The following DLG2 variants were observed in gnomAD, a reference collection of about 807,000 sequenced individuals.
The protein encoded by DLG2 is discs large MAGUK scaffold protein 2.
In DLG2, 45 loss-of-function variants were observed where a neutral mutation model predicts 132.5. The observed-to-expected ratio is 0.34, with a 90% CI of 0.27 to 0.44. The LOEUF is 0.44. DLG2 is among the 20% of genes least tolerant of loss of function. DLG2 has a pLI of 1.00. For missense variants in DLG2, 1,045 were observed against 1,196.9 expected, an observed-to-expected ratio of 0.87 and a Z score of 1.87; for synonymous variants, 424 against 419.6, an observed-to-expected ratio of 1.01 and a Z score of -0.13.
At chr11:84,782,563 G>A (rs375769116) in intron 6 of DLG2, among the ~76,000 whole-genome samples, 52 of 152,152 alleles carry the variant, frequency 3.4e-4, no homozygotes, top group East Asian at 1.9e-3. Context: ...TATGAATCCC[G>A]GGTTAAGAAA....
chr11:84,023,964 T>C (rs925528029), intron 11 of DLG2, among the ~76,000 whole-genome samples: 1 of 152,160 alleles, frequency 6.6e-6, no homozygotes, highest in African/African-American at 2.4e-5. Flanking sequence ...AAGAATATCG[T>C]ATATAATACA....
intron 6 of DLG2, among the ~76,000 whole-genome samples, chr11:84,900,940 T>G (rs1321494335): frequency 6.6e-6 from 1 of 152,096 alleles, no homozygotes; most frequent in East Asian, 1.9e-4. Context: ...TAAGAATTTA[T>G]TATAATTCTC....
intron 6 of DLG2, among the ~76,000 whole-genome samples, chr11:84,724,864 T>C (rs1279738704): frequency 6.6e-6 from 1 of 152,184 alleles, no homozygotes; most frequent in Non-Finnish European, 1.5e-5. Flanking sequence ...GTACGGTCTA[T>C]CAGTAGCTTC....
chr11:84,661,915 T>A (rs2099694802), intron 6 of DLG2, among the ~76,000 whole-genome samples: 1 of 152,180 alleles, frequency 6.6e-6, no homozygotes, highest in South Asian at 2.1e-4. Flanking sequence ...CAAGACATAC[T>A]GAATTAACGG....
intron 6 of DLG2, among the ~76,000 whole-genome samples, chr11:85,004,960 C>A (rs2058521435): frequency 6.6e-6 from 1 of 152,154 alleles, no homozygotes; most frequent in Non-Finnish European, 1.5e-5. Context: ...CTAGTTTTCC[C>A]AACACCATTT....
At chr11:84,971,893 T>A (rs947825952) in intron 6 of DLG2, among the ~76,000 whole-genome samples, 1 of 152,164 alleles carries the variant, frequency 6.6e-6, no homozygotes, top group Non-Finnish European at 1.5e-5. Context: ...AGGGAATGTC[T>A]ACTAGAGAGA....
chr11:83,517,762 C>A (rs1328910502), intron 21 of DLG2, among the ~76,000 whole-genome samples: 1 of 152,236 alleles, frequency 6.6e-6, no homozygotes, highest in Non-Finnish European at 1.5e-5. Context: ...AGCTGCAGGT[C>A]TGTTGGAGTT....
At chr11:85,100,842 GAA>G (rs1245056983) in intron 6 of DLG2, among the ~76,000 whole-genome samples, 1 of 152,116 alleles carries the variant, frequency 6.6e-6, no homozygotes, top group Non-Finnish European at 1.5e-5. Flanking sequence ...AACTGTCAAA[GAA>G]AGAGAGGCTC....
intron 6 of DLG2, among the ~76,000 whole-genome samples, chr11:84,732,795 C>A (rs1301309456): frequency 1.3e-5 from 2 of 149,248 alleles, no homozygotes; most frequent in Admixed American, 6.7e-5. Flanking sequence ...CCTCCCCCCA[C>A]CCACCCCACA....
chr11:84,092,988 A>G (rs113413568), intron 10 of DLG2, among the ~76,000 whole-genome samples: 2,916 of 150,286 alleles, frequency 0.019, 74 homozygotes, highest in African/African-American at 0.06. Flanking sequence ...GTGAGCCGAG[A>G]TTGCGCCACT....
intron 6 of DLG2, among the ~76,000 whole-genome samples, chr11:84,803,521 G>C (rs1489862829): frequency 1.3e-5 from 2 of 152,182 alleles, no homozygotes; most frequent in Non-Finnish European, 2.9e-5. Context: ...CCTCCACAAA[G>C]AGCACATGGG....
At chr11:85,130,642 C>T (rs2075621890) in intron 5 of DLG2, among the ~76,000 whole-genome samples, 1 of 152,118 alleles carries the variant, frequency 6.6e-6, no homozygotes. Context: ...GAAGACAGCA[C>T]CTTAGCCAGA....
At chr11:84,552,775 T>C (rs545405289) in intron 6 of DLG2, among the ~76,000 whole-genome samples, 2 of 152,336 alleles carry the variant, frequency 1.3e-5, no homozygotes, top group African/African-American at 2.4e-5. Context: ...CTTATCTATA[T>C]ACTCTCCATC....
chr11:85,593,312 T>G (rs1204176100), intron 3 of DLG2, among the ~76,000 whole-genome samples: 17 of 152,156 alleles, frequency 1.1e-4, no homozygotes, highest in Admixed American at 1.1e-3. Context: ...ACCTAACCAT[T>G]TAGAACATAG....
At chr11:84,352,685 A>G (rs1051611533) in intron 7 of DLG2, among the ~76,000 whole-genome samples, 1 of 152,164 alleles carries the variant, frequency 6.6e-6, no homozygotes, top group Non-Finnish European at 1.5e-5. Flanking sequence ...GCACTAAGAT[A>G]TTTTTAATGT....
chr11:84,207,975 T>G (rs1051059931), intron 8 of DLG2, among the ~76,000 whole-genome samples: 1 of 152,142 alleles, frequency 6.6e-6, no homozygotes, highest in Non-Finnish European at 1.5e-5. Context: ...AAGGCTCACC[T>G]GAGTAACTTT....
chr11:84,234,860 T>C (rs1029126660), intron 8 of DLG2, among the ~76,000 whole-genome samples: 2 of 152,238 alleles, frequency 1.3e-5, no homozygotes, highest in African/African-American at 4.8e-5. Context: ...CAAAGTTTTC[T>C]CTTATGGGGA....
At chr11:84,779,387 C>T (rs900027501) in intron 6 of DLG2, among the ~76,000 whole-genome samples, 18 of 152,116 alleles carry the variant, frequency 1.2e-4, no homozygotes, top group African/African-American at 4.1e-4. Context: ...TCTACAAATG[C>T]TACTTATTTT....
At chr11:83,731,443 C>G (rs565484754) in intron 18 of DLG2, among the ~76,000 whole-genome samples, 35 of 152,280 alleles carry the variant, frequency 2.3e-4, no homozygotes, top group African/African-American at 8.2e-4. Flanking sequence ...CAGCTTCATC[C>G]ATGTCCCTGC....
Sources: gnomAD v4.1 joint callset for allele counts (sites outside exome capture counted in the v4.1 genomes callset) on GRCh38, gnomAD v4.1.1 for gene constraint, MANE v1.5 for transcripts, NCBI Gene and HGNC (gene_info 2026-07-23, HGNC 2026-07-21) for gene names.